The following LIPI variants were observed in gnomAD, a reference collection of about 807,000 sequenced individuals.
LIPI encodes the protein lipase I, also known as lipase member I.
A neutral mutation model predicts 50.6 loss-of-function variants in LIPI; 59 were observed. The observed-to-expected ratio is 1.16, with a 90% CI of 0.94 to 1.45. The LOEUF (loss-of-function observed/expected upper bound fraction) is 1.45, where lower values mean the gene tolerates loss of function less well. Among genes scored for constraint, LIPI ranks in the 40% most tolerant of loss-of-function variants. LIPI has a pLI of 0.00. For synonymous variants in LIPI, 203 were observed against 178.2 expected, an observed-to-expected ratio of 1.14 and a Z score of -1.11; for missense variants, 586 against 536.3, an observed-to-expected ratio of 1.09 and a Z score of -0.92.
chr21:14,115,345 C>T (rs892424586), intron 9 of LIPI, among the ~76,000 whole-genome samples: 2 of 152,146 alleles, frequency 1.3e-5, no homozygotes, highest in Admixed American at 6.5e-5. Flanking sequence ...CCTTTTTTCT[C>T]GCTTCTGTAA....
intron 9 of LIPI, among the ~76,000 whole-genome samples, chr21:14,113,533 A>G (rs1469559886): frequency 6.6e-6 from 1 of 151,910 alleles, no homozygotes; most frequent in African/African-American, 2.4e-5. Context: ...TACCAAAGCT[A>G]TCATCACACT....
chr21:14,156,756 A>G (rs1331633590), intron 7 of LIPI, among the ~76,000 whole-genome samples: 1 of 151,954 alleles, frequency 6.6e-6, no homozygotes, highest in Admixed American at 6.6e-5. Flanking sequence ...ATAATAGGAA[A>G]GCCTAGATTT....
chr21:14,110,417 A>G (rs189837667), intron 9 of LIPI, among the ~76,000 whole-genome samples: 5 of 152,118 alleles, frequency 3.3e-5, no homozygotes, highest in African/African-American at 1.2e-4. Context: ...AAGAATAAAT[A>G]CATTGTGGAA....
At chr21:14,152,823 G>T (rs2018146587) in intron 7 of LIPI, 139 bp from the exon 8 acceptor site, 1 of 542,554 alleles carries the variant, frequency 1.8e-6, no homozygotes, top group Non-Finnish European at 3.3e-6. Flanking sequence ...TAATATTATT[G>T]AGAGGACTCA....
chr21:14,166,622 A>G (rs1338345447), intron 4 of LIPI, among the ~76,000 whole-genome samples, 171 bp from the exon 5 acceptor site: 1 of 152,254 alleles, frequency 6.6e-6, no homozygotes, highest in Non-Finnish European at 1.5e-5. Context: ...CTTCATGAAA[A>G]GTATATTTCA....
chr21:14,156,357 T>C (rs2018269766), intron 7 of LIPI, among the ~76,000 whole-genome samples: 1 of 151,768 alleles, frequency 6.6e-6, no homozygotes, highest in Admixed American at 6.6e-5. Context: ...AGAGATGTCG[T>C]GCAGAAAAAG....
intron 8 of LIPI, among the ~76,000 whole-genome samples, chr21:14,145,944 G>A (rs2017888517): frequency 6.6e-6 from 1 of 152,094 alleles, no homozygotes; most frequent in African/African-American, 2.4e-5. Context: ...CTACCTCCTG[G>A]CAGGGTTACC....
At chr21:14,123,365 A>T (rs2016935819) in intron 9 of LIPI, among the ~76,000 whole-genome samples, 1 of 152,172 alleles carries the variant, frequency 6.6e-6, no homozygotes. Flanking sequence ...TCAACTAGAC[A>T]CTACAAATGT....
At chr21:14,187,191 A>G (rs991716871) in intron 2 of LIPI, among the ~76,000 whole-genome samples, 1 of 152,126 alleles carries the variant, frequency 6.6e-6, no homozygotes, top group Non-Finnish European at 1.5e-5. Context: ...CCAACGTCTG[A>G]ATACCTCTTA....
At chr21:14,113,605 T>C (rs2016500437) in intron 9 of LIPI, among the ~76,000 whole-genome samples, 1 of 151,748 alleles carries the variant, frequency 6.6e-6, no homozygotes, top group South Asian at 2.1e-4. Flanking sequence ...ATTGGAATCC[T>C]CAGAGGAGAA....
In LIPI at chr21:14,108,851, A is replaced by T; in HGVS notation, c.*142T>A. 1 of 956,322 alleles carries T rather than the reference A, an allele frequency of 1.0e-6. No homozygotes were observed. The highest frequency in any genetic ancestry group is 1.6e-6 in the Non-Finnish European group (1 of 634,954). 59.2% of individuals were successfully genotyped at this position (956,322 alleles called of 1,614,324 possible). On this transcript the variant is annotated 3_prime_UTR_variant, in exon 10 of 10. Coordinates refer to ENST00000681601, the MANE Select transcript of LIPI (RefSeq NM_001302998.2). ...ACTGTATGCATTTTTTATTTTCTTT[A>T]TTTTTGATTCTTAAAATTTTTTCCA...
At chr21:14,171,118 G>T (rs546839515) in intron 4 of LIPI, among the ~76,000 whole-genome samples, 5 of 149,550 alleles carry the variant, frequency 3.3e-5, no homozygotes, top group Admixed American at 1.3e-4. Context: ...ATTCACAATT[G>T]CTTCAAAGAG....
intron 9 of LIPI, among the ~76,000 whole-genome samples, chr21:14,139,151 G>A (rs1450233225): frequency 2.0e-5 from 3 of 151,934 alleles, no homozygotes; most frequent in African/African-American, 4.8e-5. Context: ...GATTATTAGA[G>A]TATTTTATTC....
chr21:14,181,268 A>AT (rs2031961930), intron 4 of LIPI, among the ~76,000 whole-genome samples: 1 of 152,282 alleles, frequency 6.6e-6, no homozygotes, highest in African/African-American at 2.4e-5. Context: ...CCTGTTAGAG[A>AT]TTTTCAGCTA....
intron 3 of LIPI, among the ~76,000 whole-genome samples, chr21:14,184,706 G>A (rs369724074): frequency 2.0e-5 from 3 of 152,276 alleles, no homozygotes; most frequent in East Asian, 3.9e-4. Flanking sequence ...ATTCAAGCTA[G>A]ACTAATATGT....
At chr21:14,193,988 T>G (rs1168609148) in intron 1 of LIPI, among the ~76,000 whole-genome samples, 1 of 152,050 alleles carries the variant, frequency 6.6e-6, no homozygotes, top group Non-Finnish European at 1.5e-5. Flanking sequence ...AGACTTAAAT[T>G]GACTTATCAA....
chr21:14,135,514 C>CA (rs1230115034), intron 9 of LIPI, among the ~76,000 whole-genome samples: 1 of 152,046 alleles, frequency 6.6e-6, no homozygotes, highest in Non-Finnish European at 1.5e-5. Context: ...GAGAACACAG[C>CA]AATTGAGAGG....
intron 4 of LIPI, among the ~76,000 whole-genome samples, chr21:14,178,658 A>T (rs2019171927): frequency 6.6e-6 from 1 of 152,188 alleles, no homozygotes; most frequent in South Asian, 2.1e-4. Flanking sequence ...CCAACTTAAT[A>T]ATAAGCACAT....
chr21:14,181,992 C>A (rs911583925), intron 3 of LIPI, 133 bp from the exon 4 acceptor site: 5 of 666,906 alleles, frequency 7.5e-6, no homozygotes, highest in Non-Finnish European at 2.8e-6. Flanking sequence ...AAGAACATAT[C>A]TAAAAACAAA....
Sources: gnomAD v4.1 joint callset for allele counts (sites outside exome capture counted in the v4.1 genomes callset) on GRCh38, gnomAD v4.1.1 for gene constraint, MANE v1.5 for transcripts, NCBI Gene and HGNC (gene_info 2026-07-23, HGNC 2026-07-21) for gene names.